The following SFTPD variants were observed in gnomAD, a reference collection of about 807,000 sequenced individuals.
SFTPD encodes the protein pulmonary surfactant-associated protein D.
Under a neutral mutation model 34.6 loss-of-function variants are expected in SFTPD, and 18 were observed. The observed-to-expected ratio is 0.52, with a 90% confidence interval of 0.36 to 0.77. SFTPD has a LOEUF of 0.77. Among genes scored for constraint, SFTPD ranks in the 30% least tolerant of loss-of-function variants. The pLI, the probability that SFTPD is intolerant of heterozygous loss-of-function variation, is 0.00. For synonymous variants in SFTPD, 155 were observed against 180.9 expected, an observed-to-expected ratio of 0.86 and a Z score of 1.15; for missense variants, 433 against 468.9, an observed-to-expected ratio of 0.92 and a Z score of 0.71.
intron 1 of SFTPD, among the ~76,000 whole-genome samples, chr10:79,947,102 C>CA (rs1194718821): frequency 6.6e-6 from 1 of 152,254 alleles, no homozygotes; most frequent in African/African-American, 2.4e-5. Flanking sequence ...TTAGCTCAGA[C>CA]AAGGCAAGCC....
At chr10:79,972,693 A>T (rs973072087) in intron 1 of SFTPD, 2 of 152,208 alleles carry the variant, frequency 1.3e-5, no homozygotes, top group African/African-American at 4.8e-5. Flanking sequence ...AAACATTTTC[A>T]TGGCAAATAT....
chr10:79,951,805 T>C (rs77010722), upstream of SFTPD, among the ~76,000 whole-genome samples: 3,991 of 152,172 alleles, frequency 0.026, 66 homozygotes, highest in Non-Finnish European at 0.04. Flanking sequence ...ACACAAAGCT[T>C]TGGAGGGGGA....
chr10:79,976,361 A>T (rs1842864296), intron 1 of SFTPD, among the ~76,000 whole-genome samples: 1 of 152,190 alleles, frequency 6.6e-6, no homozygotes, highest in Admixed American at 6.5e-5. Context: ...ATCCTATCCC[A>T]TCACCTGACA....
chr10:79,975,428 A>G (rs977006450), intron 1 of SFTPD, among the ~76,000 whole-genome samples: 3 of 152,118 alleles, frequency 2.0e-5, no homozygotes, highest in African/African-American at 7.2e-5. Flanking sequence ...TCCCATTGTT[A>G]CCCTGATGCT....
chr10:79,941,669 C>G (rs1286604640), intron 5 of SFTPD, 155 bp from the exon 6 acceptor site: 3 of 642,846 alleles, frequency 4.7e-6, no homozygotes, highest in Non-Finnish European at 8.0e-6. Flanking sequence ...TGTACACTGA[C>G]TGTCCCTGTC....
At chr10:79,950,256 AATTATGTAATTGCTTT>A (rs1379037850), upstream of SFTPD, 1 of 152,162 alleles carries the variant, frequency 6.6e-6, no homozygotes, top group Admixed American at 6.5e-5. Context: ...TTTTAGTCTC[AATTATGTAATTGCTTT>A]ATATAATCTG....
chr10:79,979,582 C>T (rs1455836845), intron 1 of SFTPD, among the ~76,000 whole-genome samples: 2 of 152,222 alleles, frequency 1.3e-5, no homozygotes, highest in East Asian at 3.8e-4. Flanking sequence ...GTTCAGCCAG[C>T]ACTCACAGAG....
chr10:79,963,152 T>G (rs1842784382), intron 1 of SFTPD, among the ~76,000 whole-genome samples: 1 of 152,000 alleles, frequency 6.6e-6, no homozygotes, highest in South Asian at 2.1e-4. Context: ...ACACAAGCCT[T>G]GGCAACATAG....
chr10:79,940,838 A>G, intron 6 of SFTPD, 50 bp from the exon 7 acceptor site: 1 of 1,249,990 alleles, frequency 8.0e-7, no homozygotes, highest in Non-Finnish European at 1.2e-6. Context: ...GAGCGAAGGA[A>G]GAGCTCAGAG....
intron 1 of SFTPD, among the ~76,000 whole-genome samples, chr10:79,955,578 A>T (rs1842734060): frequency 6.6e-6 from 1 of 152,186 alleles, no homozygotes; most frequent in Non-Finnish European, 1.5e-5. Flanking sequence ...AAAAGGTAGG[A>T]TTGCTTATGC....
chr10:79,942,302 G>A (rs956719622), intron 4 of SFTPD, 86 bp downstream of exon 4: 10 of 927,128 alleles, frequency 1.1e-5, no homozygotes, highest in Admixed American at 3.7e-5. Flanking sequence ...GCTCTCCCTG[G>A]CACTCTGAGC....
At chr10:79,978,861 TAAAA>T (rs1227279007) in intron 1 of SFTPD, among the ~76,000 whole-genome samples, 2 of 151,042 alleles carry the variant, frequency 1.3e-5, no homozygotes, top group African/African-American at 4.9e-5. Flanking sequence ...AATTAGGCAA[TAAAA>T]AGAAAGAAAA....
upstream of SFTPD, among the ~76,000 whole-genome samples, chr10:79,953,318 T>C (rs10887226): frequency 0.054 from 8,158 of 152,294 alleles, 553 homozygotes; most frequent in East Asian, 0.39. Context: ...GTGGACCTAG[T>C]GGTGACAAAC....
chr10:79,943,616 T>G (rs17881639), intron 2 of SFTPD, among the ~76,000 whole-genome samples: 6,365 of 152,194 alleles, frequency 0.042, 437 homozygotes, highest in African/African-American at 0.14. Context: ...CAGGCCTCCA[T>G]GGGGGGTGAG....
chr10:79,957,858 CA>C lies in SFTPD; in HGVS notation c.37-11197del, dbSNP rs1205834389. ...CAAGACACATAATTGTCAGATTCACCAAAGTTGAAATGAAGGAAAAAATGTT... is the reference window on the plus strand; with the variant it reads ...CAAGACACATAATTGTCAGATTCACCAAGTTGAAATGAAGGAAAAAATGTT... On this transcript the variant is annotated intron_variant, in intron 1 of 5. Coordinates refer to the SFTPD transcript ENST00000444384. Among the ~76,000 whole-genome samples the C allele has an allele frequency of 2.6e-5, 4 of 152,114 alleles. No homozygotes were observed. The East Asian group carries it at 7.7e-4, about 29-fold the overall frequency.
chr10:79,942,137 A>T (rs1842619400), intron 4 of SFTPD, 67 bp from the exon 5 acceptor site: 1 of 1,211,970 alleles, frequency 8.3e-7, no homozygotes, highest in Non-Finnish European at 1.2e-6. Flanking sequence ...TTTTGTTAGC[A>T]ATGGAGCTTT....
At chr10:79,946,776 T>G in intron 1 of SFTPD, 114 bp from the exon 2 acceptor site, 1 of 919,710 alleles carries the variant, frequency 1.1e-6, no homozygotes, top group Admixed American at 2.1e-5. Context: ...TTCTGTCCTC[T>G]GCTATGGGGC....
chr10:79,963,066 G>A (rs1589340974), intron 1 of SFTPD, among the ~76,000 whole-genome samples: 1 of 152,030 alleles, frequency 6.6e-6, no homozygotes, highest in East Asian at 1.9e-4. Context: ...TTTCCAGCTG[G>A]GCACAGTGGT....
intron 1 of SFTPD, among the ~76,000 whole-genome samples, chr10:79,962,168 A>T: frequency 8.0e-6 from 1 of 124,596 alleles, no homozygotes; most frequent in African/African-American, 3.0e-5. Context: ...GGGGGGAGGG[A>T]TAGCATTAGG....
Sources: gnomAD v4.1 joint callset for allele counts (sites outside exome capture counted in the v4.1 genomes callset) on GRCh38, gnomAD v4.1.1 for gene constraint, MANE v1.5 for transcripts, NCBI Gene and HGNC (gene_info 2026-07-23, HGNC 2026-07-21) for gene names.